The following PHLDB2 variants were observed in gnomAD, a reference collection of about 807,000 sequenced individuals.
PHLDB2 encodes the protein pleckstrin homology like domain family B member 2.
A neutral mutation model predicts 123.6 loss-of-function variants in PHLDB2; 71 were observed. The ratio of observed to expected loss-of-function variants is 0.57; its 90% CI spans 0.47 to 0.70. PHLDB2 has a LOEUF of 0.70. Among genes scored for constraint, PHLDB2 ranks in the 30% least tolerant of loss-of-function variants. The probability of loss-of-function intolerance (pLI) is 0.00; values close to 1 mark genes in which losing one functional copy is unlikely to be tolerated. For synonymous variants in PHLDB2, 547 were observed against 541.6 expected, an observed-to-expected ratio of 1.01 and a Z score of -0.14; for missense variants, 1,446 against 1,519.5, an observed-to-expected ratio of 0.95 and a Z score of 0.80.
chr3:111,800,153 GCA>G (rs2061326055), intron 1 of PHLDB2, among the ~76,000 whole-genome samples: 1 of 152,070 alleles, frequency 6.6e-6, no homozygotes, highest in Non-Finnish European at 1.5e-5. Flanking sequence ...CTACAGGCAT[GCA>G]CCACCATGCC....
intron 1 of PHLDB2, among the ~76,000 whole-genome samples, chr3:111,751,504 C>G (rs928528046): frequency 6.6e-6 from 1 of 151,918 alleles, no homozygotes; most frequent in African/African-American, 2.4e-5. Flanking sequence ...AGTCAAATCC[C>G]TCAGTGCCCA....
chr3:111,885,360 A>G lies in PHLDB2; in HGVS notation c.1283A>G (p.Tyr428Cys). 1 of 1,614,182 alleles carries G rather than the reference A, an allele frequency of 6.2e-7. No homozygotes were observed. The part of the protein sequence containing the change: ...SISGRDDLMD[Y>C]HRRQREERLR... Reference sequence around the variant, plus strand: ...TCAGGACGTGATGACCTGATGGATTATCACCGGCGGCAGAGGGAGGAAAGA... The same window carrying G: ...TCAGGACGTGATGACCTGATGGATTGTCACCGGCGGCAGAGGGAGGAAAGA... Residue 428 changes from tyrosine (Y) to cysteine (C), a missense_variant, in exon 2 of 18, where the codon TAT becomes TGT. Around this residue, in one of 3 missense-constraint regions of PHLDB2, gnomAD observed 832 missense variants for 831.9 expected, o/e 1.00. Transcript: ENST00000431670.
chr3:111,928,663 C>CT (rs1346462848), intron 5 of PHLDB2, among the ~76,000 whole-genome samples: 1 of 152,158 alleles, frequency 6.6e-6, no homozygotes, highest in African/African-American at 2.4e-5. Flanking sequence ...ATTTTATAAA[C>CT]TGATTTCTAC....
intron 1 of PHLDB2, among the ~76,000 whole-genome samples, chr3:111,764,931 T>C (rs2060054865): frequency 6.6e-6 from 1 of 152,184 alleles, no homozygotes; most frequent in Admixed American, 6.6e-5. Flanking sequence ...AACTTGCTAA[T>C]ACCCAAGCGA....
intron 1 of PHLDB2, among the ~76,000 whole-genome samples, chr3:111,861,571 A>G (rs72938239): frequency 0.035 from 5,366 of 152,204 alleles, 326 homozygotes; most frequent in African/African-American, 0.12. Context: ...GCAGGCCTCA[A>G]TCTGTTTTAT....
At chr3:111,963,091 A>G (rs1001135811) in intron 13 of PHLDB2, among the ~76,000 whole-genome samples, 2 of 152,148 alleles carry the variant, frequency 1.3e-5, no homozygotes, top group Non-Finnish European at 2.9e-5. Flanking sequence ...TCACGTTTGT[A>G]TTTATACTTT....
chr3:111,805,595 A>G (rs754444960), intron 1 of PHLDB2, among the ~76,000 whole-genome samples: 4 of 149,876 alleles, frequency 2.7e-5, no homozygotes, highest in Non-Finnish European at 5.9e-5. Flanking sequence ...GATAAATGCA[A>G]CAACATGGAT....
intron 1 of PHLDB2, among the ~76,000 whole-genome samples, chr3:111,783,840 T>C (rs1477268277): frequency 3.9e-5 from 6 of 152,108 alleles, no homozygotes; most frequent in Admixed American, 2.0e-4. Flanking sequence ...CTACATCAGA[T>C]GAATATCAAA....
intron 1 of PHLDB2, among the ~76,000 whole-genome samples, chr3:111,812,705 T>G (rs2061895352): frequency 6.6e-6 from 1 of 152,236 alleles, no homozygotes; most frequent in South Asian, 2.1e-4. Flanking sequence ...GAACTCAGAT[T>G]GGAGCTTCAT....
intron 1 of PHLDB2, among the ~76,000 whole-genome samples, chr3:111,866,930 GGTGT>G (rs3082321): frequency 0.045 from 5,612 of 125,984 alleles, 251 homozygotes; most frequent in South Asian, 0.12. Flanking sequence ...GTTTCTAAGG[GGTGT>G]GTGTGTGTGT....
chr3:111,749,049 C>G (rs2059727343), intron 1 of PHLDB2, among the ~76,000 whole-genome samples: 1 of 151,042 alleles, frequency 6.6e-6, no homozygotes, highest in South Asian at 2.1e-4. Flanking sequence ...TTTCACATTA[C>G]CTATGAGCCT....
At chr3:111,772,649 G>C (rs1461068910) in intron 1 of PHLDB2, among the ~76,000 whole-genome samples, 1 of 152,146 alleles carries the variant, frequency 6.6e-6, no homozygotes, top group Non-Finnish European at 1.5e-5. Flanking sequence ...TTATCTTTTT[G>C]GGTTTGCATT....
At chr3:111,772,939 G>C (rs2060203566) in intron 1 of PHLDB2, among the ~76,000 whole-genome samples, 1 of 152,180 alleles carries the variant, frequency 6.6e-6, no homozygotes. Flanking sequence ...GAATTCCTAA[G>C]TTGAGGCCAA....
At chr3:111,918,264 G>T (rs2107523011) in intron 3 of PHLDB2, among the ~76,000 whole-genome samples, 1 of 152,242 alleles carries the variant, frequency 6.6e-6, no homozygotes, top group South Asian at 2.1e-4. Flanking sequence ...GTGTAACTAT[G>T]CACTCTCTCA....
intron 1 of PHLDB2, among the ~76,000 whole-genome samples, chr3:111,812,731 T>G (rs1401521489): frequency 1.3e-5 from 2 of 152,194 alleles, no homozygotes; most frequent in Admixed American, 1.3e-4. Flanking sequence ...ACCACTAGCC[T>G]TTGACTTTCT....
chr3:111,746,988 A>C (rs1480734939), intron 1 of PHLDB2, among the ~76,000 whole-genome samples: 1 of 152,186 alleles, frequency 6.6e-6, no homozygotes, highest in African/African-American at 2.4e-5. Flanking sequence ...TCCACCTAGA[A>C]TTCTATACCC....
At chr3:111,857,490 A>G (rs1034963921), upstream of PHLDB2, among the ~76,000 whole-genome samples, 2 of 149,740 alleles carry the variant, frequency 1.3e-5, no homozygotes, top group African/African-American at 4.9e-5. Context: ...AAAAATTCCA[A>G]GGTAATGGAA....
intron 2 of PHLDB2, among the ~76,000 whole-genome samples, chr3:111,903,510 G>T (rs773411383): frequency 4.6e-5 from 7 of 152,182 alleles, no homozygotes; most frequent in Non-Finnish European, 1.0e-4. Flanking sequence ...GATAGCCAAA[G>T]AAACCCCACA....
intron 1 of PHLDB2, among the ~76,000 whole-genome samples, chr3:111,844,902 G>A (rs1223559439): frequency 6.6e-6 from 1 of 152,166 alleles, no homozygotes; most frequent in African/African-American, 2.4e-5. Context: ...TACAACAAAT[G>A]GGAGGCCTTA....
Sources: gnomAD v4.1 joint callset for allele counts (sites outside exome capture counted in the v4.1 genomes callset) on GRCh38, gnomAD v4.1.1 for gene constraint, gnomAD v4.1.1 regional missense constraint, MANE v1.5 for transcripts, NCBI Gene and HGNC (gene_info 2026-07-23, HGNC 2026-07-21) for gene names.